The following SPATS2 variants were observed in gnomAD, a reference collection of about 807,000 sequenced individuals.
SPATS2 encodes the protein spermatogenesis-associated serine-rich protein 2.
SPATS2 carries 38 observed loss-of-function variants against 63.7 expected under a neutral mutation model. That is an observed-to-expected ratio of 0.60 (90% CI 0.46 to 0.78). The LOEUF is 0.78. Among genes scored for constraint, SPATS2 ranks in the 30% least tolerant of loss-of-function variants. The pLI, the probability that SPATS2 is intolerant of heterozygous loss-of-function variation, is 0.00. For synonymous variants in SPATS2, 207 were observed against 232.9 expected (o/e 0.89, Z 1.01); for missense variants, 588 against 666.2 (o/e 0.88, Z 1.29).
chr12:49,500,641 G>A (rs1172113544), intron 9 of SPATS2, among the ~76,000 whole-genome samples: 10 of 151,984 alleles, frequency 6.6e-5, no homozygotes, highest in East Asian at 3.9e-4. Flanking sequence ...GTGTGGTGGC[G>A]CGCGCCTGTA....
At chr12:49,412,603 G>C (rs2137367773) in intron 2 of SPATS2, among the ~76,000 whole-genome samples, 1 of 152,100 alleles carries the variant, frequency 6.6e-6, no homozygotes, top group South Asian at 2.1e-4. Flanking sequence ...GTTTCAGGCT[G>C]GGCATGGTGG....
In SPATS2 at chr12:49,489,561, G is replaced by A; in HGVS notation, c.202G>A (p.Ala68Thr). Reference protein sequence around the residue: ...FDNCVDKTVQAFMEGSASEVL... With the variant: ...FDNCVDKTVQTFMEGSASEVL... ...TAACTGTGTGGACAAAACAGTACAA[G>A]CATTCATGGAAGGTAATCCTGACTT... The change falls in exon 5 of 14, where the codon GCA (alanine) becomes ACA (threonine). Residue 68 changes from alanine to threonine, a missense_variant. Coordinates refer to ENST00000552918, the MANE Select transcript of SPATS2 (RefSeq NM_023071.4). The A allele has an allele frequency of 6.2e-7, 1 of 1,611,898 alleles. No individual in the cohort carries two copies. The highest frequency in any genetic ancestry group is 1.7e-5 in the Admixed American group (1 of 59,748).
intron 4 of SPATS2, among the ~76,000 whole-genome samples, chr12:49,488,194 G>A (rs568617931): frequency 2.1e-4 from 32 of 151,980 alleles, no homozygotes; most frequent in African/African-American, 7.2e-4. Flanking sequence ...ACAGGCATGC[G>A]TCACTGTGCC....
chr12:49,410,932 TTA>T (rs925082457), intron 2 of SPATS2, among the ~76,000 whole-genome samples: 1 of 136,148 alleles, frequency 7.3e-6, no homozygotes, highest in African/African-American at 2.5e-5. Flanking sequence ...CCTGACACTT[TTA>T]GTTTTATAGA....
At chr12:49,415,341 G>T (rs1164862370) in intron 2 of SPATS2, among the ~76,000 whole-genome samples, 1 of 152,172 alleles carries the variant, frequency 6.6e-6, no homozygotes, top group Non-Finnish European at 1.5e-5. Flanking sequence ...CACTGTGCCT[G>T]GTCTGGGACA....
intron 2 of SPATS2, among the ~76,000 whole-genome samples, chr12:49,427,529 T>G (rs553254174): frequency 6.6e-6 from 1 of 152,338 alleles, no homozygotes; most frequent in African/African-American, 2.4e-5. Flanking sequence ...CTTGAATTTC[T>G]GGATCATAGG....
chr12:49,483,374 G>A (rs1344385937), intron 3 of SPATS2, among the ~76,000 whole-genome samples: 1 of 151,882 alleles, frequency 6.6e-6, no homozygotes, highest in Non-Finnish European at 1.5e-5. Flanking sequence ...GTTCTAAATA[G>A]TGCTTTGGTT....
At chr12:49,512,747 C>A in intron 9 of SPATS2, 1 of 536,578 alleles carries the variant, frequency 1.9e-6, no homozygotes, top group Non-Finnish European at 2.9e-6. Flanking sequence ...AAGGATTTGT[C>A]ATCTGATGGA....
At chr12:49,441,175 C>A (rs1216637446) in intron 2 of SPATS2, among the ~76,000 whole-genome samples, 1 of 152,164 alleles carries the variant, frequency 6.6e-6, no homozygotes, top group Non-Finnish European at 1.5e-5. Context: ...TTATACCTTT[C>A]TATTTCCTTC....
intron 13 of SPATS2, among the ~76,000 whole-genome samples, chr12:49,525,621 CATAAT>C (rs1174854254): frequency 6.6e-6 from 1 of 152,162 alleles, no homozygotes; most frequent in Admixed American, 6.5e-5. Flanking sequence ...AGAGTTCAGA[CATAAT>C]ATAATATACT....
intron 2 of SPATS2, among the ~76,000 whole-genome samples, chr12:49,418,775 C>G (rs1042016346): frequency 6.6e-6 from 1 of 152,066 alleles, no homozygotes; most frequent in Non-Finnish European, 1.5e-5. Context: ...TTGAAAAATA[C>G]TTTTACAAAG....
At chr12:49,370,057 G>C (rs1388631130) in intron 1 of SPATS2, among the ~76,000 whole-genome samples, 2 of 152,166 alleles carry the variant, frequency 1.3e-5, no homozygotes, top group East Asian at 1.9e-4. Context: ...CCTGGAGGCC[G>C]ATCAGGCTAA....
intron 2 of SPATS2, among the ~76,000 whole-genome samples, chr12:49,449,995 A>G (rs1222084321): frequency 1.3e-5 from 2 of 152,086 alleles, no homozygotes; most frequent in South Asian, 2.1e-4. Context: ...GTGGATATAT[A>G]TTTATAATTC....
intron 3 of SPATS2, chr12:49,462,362 C>G (rs763873454): frequency 1.0e-5 from 7 of 702,380 alleles, no homozygotes; most frequent in Non-Finnish European, 1.6e-5. Flanking sequence ...GGGGTGAACT[C>G]TGTGTGGGCC....
intron 2 of SPATS2, among the ~76,000 whole-genome samples, chr12:49,434,502 CCTTTTAATA>C (rs1404430315): frequency 6.6e-6 from 1 of 152,160 alleles, no homozygotes; most frequent in Non-Finnish European, 1.5e-5. Context: ...TTGCTCATCT[CCTTTTAATA>C]CATGTTCCCA....
chr12:49,371,196 C>T (rs577971567), intron 1 of SPATS2, 32 bp from the exon 2 acceptor site: 2 of 152,154 alleles, frequency 1.3e-5, no homozygotes, highest in Non-Finnish European at 2.9e-5. Flanking sequence ...ATCTATTAAA[C>T]AATAATTCCT....
At position 49,521,704 on chromosome 12, in the gene SPATS2, G is replaced by A. The variant is rs140413576; in HGVS notation, c.1009-1047G>A. Among the ~76,000 whole-genome samples the A allele has an allele frequency of 6.6e-3, 1,008 of 152,016 alleles. 7 individuals carry two copies. Among genetic ancestry groups the A allele is most frequent in the Non-Finnish European group, 0.012 (826 of 67,966 alleles). On this transcript the variant is annotated intron_variant, in intron 11 of 13. Coordinates refer to ENST00000552918, the MANE Select transcript of SPATS2 (RefSeq NM_023071.4). ...CTTATTTCCAGATCATTTTATTTCCGTCATTCCTATTATGTCTTTGACTCA... is the reference window on the plus strand; with the variant it reads ...CTTATTTCCAGATCATTTTATTTCCATCATTCCTATTATGTCTTTGACTCA...
At chr12:49,385,718 G>C (rs1189546166) in intron 2 of SPATS2, among the ~76,000 whole-genome samples, 1 of 152,052 alleles carries the variant, frequency 6.6e-6, no homozygotes, top group African/African-American at 2.4e-5. Context: ...AAGAGGAAAA[G>C]GTGTGAAATT....
At chr12:49,516,924 C>G (rs1259698437) in intron 10 of SPATS2, among the ~76,000 whole-genome samples, 2 of 152,124 alleles carry the variant, frequency 1.3e-5, no homozygotes, top group Non-Finnish European at 2.9e-5. Context: ...TTTACCAATG[C>G]TATCAAGAGT....
Sources: gnomAD v4.1 joint callset for allele counts (sites outside exome capture counted in the v4.1 genomes callset) on GRCh38, gnomAD v4.1.1 for gene constraint, MANE v1.5 for transcripts, NCBI Gene and HGNC (gene_info 2026-07-23, HGNC 2026-07-21) for gene names.